NCALD: variants seen among roughly 807,000 people sequenced by gnomAD.
NCALD encodes neurocalcin-delta.
A neutral mutation model predicts 18.6 loss-of-function variants in NCALD; 10 were observed. That is an observed-to-expected ratio of 0.54 (90% confidence interval 0.33 to 0.91). NCALD has a LOEUF of 0.91. Among genes scored for constraint, NCALD ranks in the 40% least tolerant of loss-of-function variants. The pLI is 0.03. For synonymous variants in NCALD, 88 were observed against 87.4 expected (o/e 1.01, Z -0.04); for missense variants, 184 against 247.6 (o/e 0.74, Z 1.72).
At chr8:101,800,858 GGA>G in intron 4 of NCALD, among the ~76,000 whole-genome samples, 1 of 113,324 alleles carries the variant, frequency 8.8e-6, no homozygotes, top group African/African-American at 3.4e-5. Flanking sequence ...GGAGGGGAGG[GGA>G]GAGGGGAGGA....
chr8:101,931,946 C>T (rs1818590771), intron 2 of NCALD, among the ~76,000 whole-genome samples: 1 of 152,108 alleles, frequency 6.6e-6, no homozygotes, highest in Non-Finnish European at 1.5e-5. Context: ...TAGCCCAGGC[C>T]CTTAGGAGCA....
chr8:101,848,097 A>G (rs927271089), intron 4 of NCALD, among the ~76,000 whole-genome samples: 7 of 152,110 alleles, frequency 4.6e-5, no homozygotes, highest in Non-Finnish European at 1.0e-4. Flanking sequence ...GGTCGGGGAG[A>G]ACAGTGGCTT....
At chr8:102,106,423 C>T (rs182019026) in intron 1 of NCALD, among the ~76,000 whole-genome samples, 20 of 143,536 alleles carry the variant, frequency 1.4e-4, no homozygotes, top group African/African-American at 4.7e-4. Context: ...TTACACAGTA[C>T]GTGTAAAACT....
chr8:101,951,492 G>A (rs1819419836), intron 2 of NCALD, among the ~76,000 whole-genome samples: 1 of 152,126 alleles, frequency 6.6e-6, no homozygotes, highest in Non-Finnish European at 1.5e-5. Context: ...GACTAAAGCT[G>A]AGCACAGACT....
Position 101,686,891 on chromosome 8 carries a change from C to T in NCALD, c.*2418G>A, listed in dbSNP as rs560630315. 6.5e-6 allele frequency: 1 copy of T among 152,702 alleles called. No individual in the cohort carries two copies. Among genetic ancestry groups the T allele is most frequent in the East Asian group, 1.9e-4 (1 of 5,184 alleles). 9.5% of individuals were successfully genotyped at this position (152,702 alleles called of 1,614,324 possible). A position where few individuals can be genotyped will look rare whatever the true frequency, so the allele number is the denominator to read the frequency against. ...TGACATAAACCTTGAGGCATGCAGT[C>T]TTCTGGGTGCTGTGGAGTCCCTTGG... On this transcript the variant is annotated 3_prime_UTR_variant, in exon 4 of 4. Coordinates refer to ENST00000220931, the MANE Select transcript of NCALD (RefSeq NM_032041.3).
intron 1 of NCALD, among the ~76,000 whole-genome samples, chr8:102,101,094 C>G (rs533489): frequency 0.46 from 70,523 of 152,078 alleles, 16,842 homozygotes; most frequent in Middle Eastern, 0.53. Flanking sequence ...GCAACAAAAA[C>G]CCTCAAAAAT....
intron 2 of NCALD, among the ~76,000 whole-genome samples, chr8:101,710,049 A>C (rs1196452535): frequency 1.3e-5 from 2 of 152,206 alleles, no homozygotes; most frequent in Non-Finnish European, 2.9e-5. Context: ...AAGATGGGTG[A>C]TTTCTGAATT....
intron 1 of NCALD, among the ~76,000 whole-genome samples, chr8:102,043,642 G>A (rs1210927830): frequency 6.7e-6 from 1 of 149,672 alleles, no homozygotes; most frequent in Non-Finnish European, 1.5e-5. Context: ...ATTACAGACA[G>A]GAAATGAAAA....
At chr8:101,879,304 G>C (rs1816371392) in intron 4 of NCALD, among the ~76,000 whole-genome samples, 1 of 152,156 alleles carries the variant, frequency 6.6e-6, no homozygotes, top group African/African-American at 2.4e-5. Flanking sequence ...GACGTGTTCA[G>C]AGTTTGGTCC....
chr8:101,872,329 T>C, intron 4 of NCALD: 1 of 1,467,556 alleles, frequency 6.8e-7, no homozygotes, highest in Non-Finnish European at 9.5e-7. Context: ...CTGCCATCTG[T>C]ACATTTCAAT....
intron 2 of NCALD, among the ~76,000 whole-genome samples, chr8:101,919,432 A>C (rs1314657463): frequency 6.6e-6 from 1 of 152,204 alleles, no homozygotes; most frequent in Non-Finnish European, 1.5e-5. Flanking sequence ...GAATCCTAGA[A>C]GAAAACCTAG....
chr8:101,697,973 C>G (rs2130078133), intron 2 of NCALD, among the ~76,000 whole-genome samples: 1 of 152,212 alleles, frequency 6.6e-6, no homozygotes, highest in South Asian at 2.1e-4. Flanking sequence ...AAAGCATATT[C>G]AAATAAGAAG....
At chr8:101,811,793 G>T (rs559087147) in intron 4 of NCALD, among the ~76,000 whole-genome samples, 5 of 152,136 alleles carry the variant, frequency 3.3e-5, no homozygotes, top group Non-Finnish European at 7.3e-5. Context: ...AGAGGTAAAA[G>T]GTTGCCTAGT....
At chr8:101,853,245 T>C (rs1486543060) in intron 4 of NCALD, among the ~76,000 whole-genome samples, 1 of 152,152 alleles carries the variant, frequency 6.6e-6, no homozygotes, top group Admixed American at 6.6e-5. Flanking sequence ...TTAAAACATT[T>C]AAAACAAAAG....
At chr8:101,885,382 A>C (rs1366065505) in intron 4 of NCALD, among the ~76,000 whole-genome samples, 5 of 152,214 alleles carry the variant, frequency 3.3e-5, no homozygotes, top group African/African-American at 1.2e-4. Context: ...AGCCCAGGAA[A>C]TTTGGGCAGT....
At chr8:101,903,877 T>C (rs985193148) in intron 3 of NCALD, among the ~76,000 whole-genome samples, 1 of 152,224 alleles carries the variant, frequency 6.6e-6, no homozygotes, top group Non-Finnish European at 1.5e-5. Context: ...CTCCTGTATA[T>C]CTGTGAGTCC....
At chr8:102,023,404 C>A (rs908088533) in intron 1 of NCALD, among the ~76,000 whole-genome samples, 22 of 152,200 alleles carry the variant, frequency 1.4e-4, no homozygotes, top group African/African-American at 4.8e-4. Context: ...AGAAAAACAT[C>A]TCTTTTTTTC....
At chr8:102,106,462 TATATACACACACACAC>T (rs981653926) in intron 1 of NCALD, among the ~76,000 whole-genome samples, 4 of 142,512 alleles carry the variant, frequency 2.8e-5, no homozygotes, top group African/African-American at 1.1e-4. Flanking sequence ...TATATATATA[TATATACACACACACAC>T]ACACACACAC....
At chr8:102,026,115 A>G (rs1055336107) in intron 1 of NCALD, among the ~76,000 whole-genome samples, 1 of 152,210 alleles carries the variant, frequency 6.6e-6, no homozygotes, top group Non-Finnish European at 1.5e-5. Context: ...CATGGGAACT[A>G]CAGTTCAAGA....
Sources: allele counts gnomAD v4.1 joint callset (sites outside exome capture counted in the v4.1 genomes callset), GRCh38; gene constraint gnomAD v4.1.1; transcripts MANE v1.5; gene names NCBI Gene and HGNC (gene_info 2026-07-23, HGNC 2026-07-21).